TMEM71: variants seen among roughly 807,000 people sequenced by gnomAD.
TMEM71 encodes the protein transmembrane protein 71.
Under a neutral mutation model 38.0 loss-of-function variants are expected in TMEM71, and 44 were observed. The observed-to-expected ratio is 1.16, with a 90% CI of 0.91 to 1.49. The LOEUF (loss-of-function observed/expected upper bound fraction) is 1.49. Ranked by LOEUF, TMEM71 falls within the 40% of genes most tolerant of loss-of-function variation. The probability of loss-of-function intolerance (pLI) is 0.00; values close to 1 mark genes in which losing one functional copy is unlikely to be tolerated. For synonymous variants in TMEM71, 133 were observed against 122.5 expected, an observed-to-expected ratio of 1.09 and a Z score of -0.56; for missense variants, 367 against 348.6, an observed-to-expected ratio of 1.05 and a Z score of -0.42.
intron 5 of TMEM71, among the ~76,000 whole-genome samples, chr8:132,734,916 A>G (rs961935538): frequency 6.6e-6 from 1 of 152,174 alleles, no homozygotes; most frequent in Non-Finnish European, 1.5e-5. Flanking sequence ...ATATCCTTTT[A>G]TATAAAAATG....
intron 5 of TMEM71, among the ~76,000 whole-genome samples, chr8:132,740,991 C>T (rs1828003331): frequency 6.6e-6 from 1 of 152,190 alleles, no homozygotes; most frequent in South Asian, 2.1e-4. Flanking sequence ...GTTAGCCTCA[C>T]AGCAGTTTGG....
rs755005024 is a variant in TMEM71 at position 132,751,938 on chromosome 8, A to G, written c.161T>C (p.Leu54Pro). ...HSFECGSIDP[L>P]TGSHYTCRRS... is the part of the protein sequence containing the mutation. Reference sequence around the variant, plus strand: ...GCGACAGGTATAGTGGGAGCCTGTCAGGGGATCTATGGAGCCGCATTCAAA... The same window carrying G: ...GCGACAGGTATAGTGGGAGCCTGTCGGGGGATCTATGGAGCCGCATTCAAA... Residue 54 changes from leucine (L) to proline (P), a missense_variant, in exon 4 of 10, where the codon CTG (leucine) becomes CCG (proline). Physicochemically the swap from Leu to Pro is moderately conservative, Grantham distance 98 (BLOSUM62 -3). Coordinates refer to ENST00000677595, the MANE Select transcript of TMEM71 (RefSeq NM_001382403.1). The G allele has an allele frequency of 6.2e-7, 1 of 1,614,144 alleles. No homozygotes were observed.
the TMEM71 span, among the ~76,000 whole-genome samples, chr8:132,771,257 T>A: frequency 6.6e-6 from 1 of 152,218 alleles, no homozygotes; most frequent in African/African-American, 2.4e-5. Context: ...GTCATTCTGG[T>A]ATAATTATTA....
chr8:132,722,581 G>C (rs1373336246), intron 6 of TMEM71, among the ~76,000 whole-genome samples: 2 of 152,174 alleles, frequency 1.3e-5, no homozygotes, highest in East Asian at 3.8e-4. Context: ...GCAAAGAGAA[G>C]AAAAAGACTA....
At chr8:132,775,439 C>T in the TMEM71 span, 22 of 385,592 alleles carry the variant, frequency 5.7e-5, no homozygotes, top group Non-Finnish European at 8.6e-5. Context: ...GCAGCGGACC[C>T]TGAGCGAGCT....
At chr8:132,773,726 G>C in the TMEM71 span, among the ~76,000 whole-genome samples, 1 of 152,068 alleles carries the variant, frequency 6.6e-6, no homozygotes, top group Non-Finnish European at 1.5e-5. Flanking sequence ...CTTGGTAAAA[G>C]AGTTTTACTT....
At chr8:132,743,176 A>G (rs1348609395) in intron 5 of TMEM71, among the ~76,000 whole-genome samples, 1 of 52,046 alleles carries the variant, frequency 1.9e-5, no homozygotes, top group African/African-American at 8.2e-5. Flanking sequence ...TGATAGGAGG[A>G]GGAGAAAGGG....
chr8:132,738,847 T>C (rs928889590), intron 5 of TMEM71, among the ~76,000 whole-genome samples: 14 of 121,060 alleles, frequency 1.2e-4, no homozygotes, highest in African/African-American at 3.9e-4. Context: ...AAAACTAATC[T>C]AGTATTACAT....
chr8:132,775,818 C>A, the TMEM71 span, among the ~76,000 whole-genome samples: 2 of 152,062 alleles, frequency 1.3e-5, no homozygotes, highest in Admixed American at 6.5e-5. Flanking sequence ...CCCTTCCTTA[C>A]CCCCCTGCGG....
At chr8:132,712,812 A>G (rs1826305799) in intron 9 of TMEM71, among the ~76,000 whole-genome samples, 1 of 152,000 alleles carries the variant, frequency 6.6e-6, no homozygotes, top group Non-Finnish European at 1.5e-5. Flanking sequence ...TTTTAAACAA[A>G]TGTCATTAAC....
the TMEM71 span, among the ~76,000 whole-genome samples, chr8:132,771,646 C>A: frequency 6.6e-6 from 1 of 151,500 alleles, no homozygotes; most frequent in Admixed American, 6.6e-5. Flanking sequence ...CATCATATTT[C>A]TTTATTTTAT....
At chr8:132,743,521 T>C (rs1394905326) in intron 5 of TMEM71, among the ~76,000 whole-genome samples, 1 of 152,210 alleles carries the variant, frequency 6.6e-6, no homozygotes, top group Non-Finnish European at 1.5e-5. Context: ...CTCACCTCCA[T>C]GAATGCTTCC....
intron 5 of TMEM71, among the ~76,000 whole-genome samples, chr8:132,732,390 A>G (rs1005811855): frequency 1.3e-5 from 2 of 152,164 alleles, no homozygotes; most frequent in Non-Finnish European, 2.9e-5. Context: ...CAATACCTCA[A>G]TCTATGAGAG....
chr8:132,775,425 G>A, the TMEM71 span: 16 of 385,760 alleles, frequency 4.1e-5, no homozygotes, highest in Non-Finnish European at 6.8e-5. Flanking sequence ...CGGCGGCGGC[G>A]ATGGCAGCGG....
chr8:132,740,342 G>T (rs1827970396), intron 5 of TMEM71, among the ~76,000 whole-genome samples: 1 of 152,146 alleles, frequency 6.6e-6, no homozygotes, highest in Non-Finnish European at 1.5e-5. Context: ...TTCTCAATGA[G>T]GCCTTCTCTA....
At chr8:132,718,638 C>A (rs999305988) in intron 7 of TMEM71, among the ~76,000 whole-genome samples, 1 of 151,758 alleles carries the variant, frequency 6.6e-6, no homozygotes, top group African/African-American at 2.4e-5. Flanking sequence ...ACTTCGTGAT[C>A]CATCTGCCGC....
At chr8:132,719,924 A>T (rs971349358) in intron 7 of TMEM71, among the ~76,000 whole-genome samples, 1 of 152,062 alleles carries the variant, frequency 6.6e-6, no homozygotes, top group Non-Finnish European at 1.5e-5. Flanking sequence ...ATGTTTAGTC[A>T]TTGCGTCTGC....
chr8:132,751,751 C>T (rs1586804627), intron 4 of TMEM71, 34 bp downstream of exon 4: 1 of 1,578,018 alleles, frequency 6.3e-7, no homozygotes, highest in Non-Finnish European at 8.7e-7. Context: ...ATGGATTGGA[C>T]TTCAGATTTC....
intron 4 of TMEM71, among the ~76,000 whole-genome samples, chr8:132,748,951 G>A (rs116674998): frequency 1.8e-3 from 281 of 152,282 alleles, no homozygotes; most frequent in African/African-American, 6.4e-3. Context: ...AATGGGAATG[G>A]CAGTAATAAA....
Sources: allele counts gnomAD v4.1 joint callset (sites outside exome capture counted in the v4.1 genomes callset), GRCh38; gene constraint gnomAD v4.1.1; transcripts MANE v1.5; gene names NCBI Gene and HGNC (gene_info 2026-07-23, HGNC 2026-07-21).